PPP4R3B: variants seen among roughly 807,000 people sequenced by gnomAD.
PPP4R3B encodes the protein protein phosphatase 4 regulatory subunit 3B, also known as serine/threonine-protein phosphatase 4 regulatory subunit 3B.
PPP4R3B carries 52 observed loss-of-function variants against 95.4 expected under a neutral mutation model. The observed-to-expected ratio is 0.54, with a 90% confidence interval of 0.44 to 0.69. PPP4R3B has a LOEUF of 0.69. PPP4R3B is among the 30% of genes least tolerant of loss of function. The pLI is 0.00. For synonymous variants in PPP4R3B, 407 were observed against 343.9 expected (o/e 1.18, Z -2.03); for missense variants, 1,003 against 1,005.9 (o/e 1.00, Z 0.04).
intron 15 of PPP4R3B, among the ~76,000 whole-genome samples, chr2:55,562,807 C>G (rs916105511): frequency 1.3e-5 from 2 of 152,186 alleles, no homozygotes; most frequent in African/African-American, 4.8e-5. Context: ...CATTAGCTGT[C>G]TGACTCTTCC....
At chr2:55,566,822 C>T (rs1687358733) in intron 13 of PPP4R3B, among the ~76,000 whole-genome samples, 2 of 151,980 alleles carry the variant, frequency 1.3e-5, no homozygotes, top group Admixed American at 1.3e-4. Flanking sequence ...GCCTGGGCAA[C>T]AAAGGGAGAC....
intron 16 of PPP4R3B, among the ~76,000 whole-genome samples, chr2:55,556,529 G>T (rs1402796991): frequency 6.6e-6 from 1 of 151,632 alleles, no homozygotes; most frequent in Non-Finnish European, 1.5e-5. Context: ...GAGTTCAAAG[G>T]TATCTTTGTG....
intron 16 of PPP4R3B, among the ~76,000 whole-genome samples, chr2:55,558,097 T>G (rs538314500): frequency 5.0e-4 from 76 of 152,078 alleles, no homozygotes; most frequent in Non-Finnish European, 6.5e-4. Context: ...TAAAAATAAT[T>G]ATAGCACTGG....
intron 7 of PPP4R3B, among the ~76,000 whole-genome samples, chr2:55,584,165 A>G (rs1377359080): frequency 6.6e-6 from 1 of 152,146 alleles, no homozygotes; most frequent in Non-Finnish European, 1.5e-5. Flanking sequence ...CAAAAAACAA[A>G]AAGGAAGACA....
At chr2:55,616,048 TTAATC>T (rs1694880054) in intron 1 of PPP4R3B, among the ~76,000 whole-genome samples, 1 of 151,466 alleles carries the variant, frequency 6.6e-6, no homozygotes, top group East Asian at 1.9e-4. Flanking sequence ...AAAGGAAAAA[TTAATC>T]TAAAACCAAC....
intron 8 of PPP4R3B, among the ~76,000 whole-genome samples, chr2:55,580,079 T>C (rs1042033932): frequency 1.3e-5 from 2 of 152,130 alleles, no homozygotes; most frequent in Non-Finnish European, 1.5e-5. Context: ...TCAGAGAGCA[T>C]CACAAAATGT....
At position 55,593,568 on chromosome 2, in the gene PPP4R3B, T is replaced by C. The variant is rs556272757; in HGVS notation, c.922-4612A>G. ...CACCTACTACCTAACCAAAAATTTCTACATGGAAATCTCAGAGTGAGACTT... is the reference window on the plus strand; with the variant it reads ...CACCTACTACCTAACCAAAAATTTCCACATGGAAATCTCAGAGTGAGACTT... On this transcript the variant is annotated intron_variant, in intron 4 of 16. Coordinates refer to ENST00000616407, the MANE Select transcript of PPP4R3B (RefSeq NM_001122964.3). Among the ~76,000 whole-genome samples the C allele has an allele frequency of 5.3e-5, 8 of 152,202 alleles. No homozygotes were observed. The South Asian group carries it at 1.7e-3, about 32-fold the overall frequency.
intron 2 of PPP4R3B, among the ~76,000 whole-genome samples, chr2:55,611,431 T>C (rs1408542858): frequency 1.3e-5 from 2 of 152,256 alleles, no homozygotes; most frequent in South Asian, 2.1e-4. Flanking sequence ...TATCATATAA[T>C]GATTCTCTTC....
chr2:55,578,458 T>TAA (rs967345019), intron 9 of PPP4R3B, 116 bp from the exon 10 acceptor site: 1 of 1,023,546 alleles, frequency 9.8e-7, no homozygotes, highest in African/African-American at 1.7e-5. Context: ...AAAATGAACA[T>TAA]AAAAAATGCA....
intron 8 of PPP4R3B, among the ~76,000 whole-genome samples, chr2:55,581,282 A>C (rs1450991955): frequency 6.6e-6 from 1 of 152,236 alleles, no homozygotes; most frequent in Non-Finnish European, 1.5e-5. Flanking sequence ...ATCATTTTTA[A>C]GTGTACAGTT....
chr2:55,566,841 T>TA (rs1261134792), intron 13 of PPP4R3B, among the ~76,000 whole-genome samples: 6 of 151,316 alleles, frequency 4.0e-5, no homozygotes, highest in South Asian at 4.2e-4. Context: ...ACCCCATACA[T>TA]AAAAAAAAAT....
chr2:55,561,251 T>G (rs1263617398), intron 15 of PPP4R3B, among the ~76,000 whole-genome samples: 2 of 152,188 alleles, frequency 1.3e-5, no homozygotes, highest in South Asian at 4.1e-4. Flanking sequence ...AACTGAGGTT[T>G]GGTAACCTCT....
intron 2 of PPP4R3B, among the ~76,000 whole-genome samples, chr2:55,609,163 A>G (rs1465378985): frequency 2.6e-5 from 4 of 152,168 alleles, no homozygotes; most frequent in African/African-American, 7.2e-5. Context: ...CTAAAAATTC[A>G]TAATTCATCT....
At chr2:55,600,814 G>C (rs1692459881) in intron 3 of PPP4R3B, among the ~76,000 whole-genome samples, 1 of 151,766 alleles carries the variant, frequency 6.6e-6, no homozygotes, top group Non-Finnish European at 1.5e-5. Flanking sequence ...AGTAAAAGAG[G>C]GAAAAAAACA....
intron 2 of PPP4R3B, among the ~76,000 whole-genome samples, chr2:55,610,905 G>A (rs1019851564): frequency 1.6e-4 from 22 of 134,908 alleles, no homozygotes; most frequent in Middle Eastern, 4.5e-3. Context: ...TTCCTCTATC[G>A]CCCAGGCTGG....
At chr2:55,585,466 A>C (rs183414887) in intron 6 of PPP4R3B, among the ~76,000 whole-genome samples, 31 of 152,326 alleles carry the variant, frequency 2.0e-4, no homozygotes, top group African/African-American at 6.3e-4. Flanking sequence ...TGCTGTAAAA[A>C]ATATGGGAAG....
Position 55,617,374 on chromosome 2 carries a change from T to C in PPP4R3B, c.-89A>G. 2 of 1,371,822 alleles carry C rather than the reference T, an allele frequency of 1.5e-6. No individual in the cohort carries two copies. Among genetic ancestry groups the C allele is most frequent in the South Asian group, 1.7e-5 (1 of 60,232 alleles). The allele number at this position is 1,371,822 out of a possible 1,614,324, so 85.0% of individuals were successfully genotyped here. On this transcript the variant is annotated 5_prime_UTR_variant, in exon 1 of 17. Coordinates refer to ENST00000616407, the MANE Select transcript of PPP4R3B (RefSeq NM_001122964.3). ...TCTTAGGAGACGGTAAAGGCAGTAG[T>C]GGCGGTGGCGGCGGCGGCGGCTTCG...
intron 3 of PPP4R3B, among the ~76,000 whole-genome samples, chr2:55,600,077 T>A (rs888898376): frequency 6.6e-6 from 1 of 152,244 alleles, no homozygotes; most frequent in African/African-American, 2.4e-5. Flanking sequence ...TCCAATCCCC[T>A]TAAGACACTC....
At chr2:55,583,352 C>T (rs1574800355) in intron 7 of PPP4R3B, among the ~76,000 whole-genome samples, 1 of 151,668 alleles carries the variant, frequency 6.6e-6, no homozygotes, top group Non-Finnish European at 1.5e-5. Context: ...AATGAAACCC[C>T]TAGAAGGTTG....
Sources: allele counts gnomAD v4.1 joint callset (sites outside exome capture counted in the v4.1 genomes callset), GRCh38; gene constraint gnomAD v4.1.1; transcripts MANE v1.5; gene names NCBI Gene and HGNC (gene_info 2026-07-23, HGNC 2026-07-21).